Variants in HTR2A observed in about 807,000 individuals in gnomAD.
HTR2A encodes 5-HT2 receptor.
A neutral mutation model predicts 31.0 loss-of-function variants in HTR2A; 14 were observed. The observed-to-expected ratio is 0.45, with a 90% CI of 0.30 to 0.71. The LOEUF is 0.71. HTR2A is among the 30% of genes least tolerant of loss of function. The probability of loss-of-function intolerance (pLI) is 0.09; values close to 1 mark genes in which losing one functional copy is unlikely to be tolerated. For missense variants in HTR2A, 442 were observed against 573.3 expected (o/e 0.77, Z 2.34); for synonymous variants, 209 against 225.2 (o/e 0.93, Z 0.64).
chr13:46,854,841 G>C (rs1419920142), intron 3 of HTR2A, among the ~76,000 whole-genome samples: 1 of 152,212 alleles, frequency 6.6e-6, no homozygotes. Context: ...ATGATCCCCA[G>C]TAGCTGTGAA....
intron 3 of HTR2A, among the ~76,000 whole-genome samples, chr13:46,886,663 C>T (rs1342180025): frequency 2.0e-5 from 3 of 152,068 alleles, no homozygotes; most frequent in South Asian, 2.1e-4. Flanking sequence ...AGAGAAAAAG[C>T]AATTGGTGAG....
chr13:46,888,332 T>TA lies in HTR2A; in HGVS notation c.613+4057dup, dbSNP rs1951025996. On this transcript the variant is annotated intron_variant, in intron 3 of 3. Coordinates refer to ENST00000542664, the MANE Select transcript of HTR2A (RefSeq NM_000621.5). The stretch of plus-strand genomic sequence containing the variant: ...GTACATCATGATAAAGTTGCTAAAA[T>TA]AGAGACAAAACATTCTGAAGCAGCA... Among the ~76,000 whole-genome samples, 6 of 152,188 alleles carry TA rather than the reference T, an allele frequency of 3.9e-5. No homozygotes were observed. In the South Asian group the frequency reaches 1.0e-3, roughly 26 times the overall value.
intron 3 of HTR2A, among the ~76,000 whole-genome samples, chr13:46,845,967 C>T (rs1220144932): frequency 6.6e-6 from 1 of 152,188 alleles, no homozygotes; most frequent in African/African-American, 2.4e-5. Flanking sequence ...AAATACACAA[C>T]TACCATTGTT....
chr13:46,894,722 A>G (rs1187248908), intron 2 of HTR2A, among the ~76,000 whole-genome samples: 1 of 152,230 alleles, frequency 6.6e-6, no homozygotes, highest in East Asian at 1.9e-4. Context: ...TAATTTGGAA[A>G]GAATATCACA....
At chr13:46,865,458 G>T (rs1278254396) in intron 3 of HTR2A, among the ~76,000 whole-genome samples, 1 of 152,032 alleles carries the variant, frequency 6.6e-6, no homozygotes, top group Non-Finnish European at 1.5e-5. Context: ...AGAGATTTCA[G>T]CCTTCAGTCC....
Position 46,834,969 on chromosome 13 carries a change from T to C in HTR2A, c.1284A>G (p.Gln428=). 6.2e-7 allele frequency: 1 copy of C among 1,614,170 alleles called. No homozygotes were observed. Among genetic ancestry groups the C allele is most frequent in the Non-Finnish European group, 8.5e-7 (1 of 1,179,990 alleles). ...TGGCATCTTGCTTTGAATTCTTTTTTTGTCCCATTTGAAGTTGGCTAGACT... is the reference window on the plus strand; with the variant it reads ...TGGCATCTTGCTTTGAATTCTTTTTCTGTCCCATTTGAAGTTGGCTAGACT... The part of the protein sequence containing the change: ...AYKSSQLQMG[Q]KKNSKQDAKT... Residue 428 remains glutamine, a synonymous_variant, in exon 4 of 4, where the codon CAA becomes CAG. Transcript: ENST00000542664.
chr13:46,855,921 C>G (rs904498441), intron 3 of HTR2A, among the ~76,000 whole-genome samples: 3 of 152,152 alleles, frequency 2.0e-5, no homozygotes, highest in Non-Finnish European at 4.4e-5. Flanking sequence ...AGCAAATGGT[C>G]TTTCTCCTCT....
intron 3 of HTR2A, among the ~76,000 whole-genome samples, chr13:46,851,700 C>T (rs1419587067): frequency 6.6e-6 from 1 of 152,132 alleles, no homozygotes; most frequent in Non-Finnish European, 1.5e-5. Context: ...GCAAACTTCC[C>T]GATGATATAT....
intron 3 of HTR2A, among the ~76,000 whole-genome samples, chr13:46,845,016 T>A (rs964765602): frequency 6.6e-6 from 1 of 152,190 alleles, no homozygotes; most frequent in Non-Finnish European, 1.5e-5. Flanking sequence ...AAGATCTTTT[T>A]TTTTTAAGCT....
intron 3 of HTR2A, among the ~76,000 whole-genome samples, chr13:46,864,437 T>A (rs757671835): frequency 9.9e-5 from 15 of 152,164 alleles, no homozygotes; most frequent in Non-Finnish European, 1.8e-4. Flanking sequence ...AAATTCTTTC[T>A]TTGGCTCTTT....
chr13:46,857,941 C>A (rs1027846751), intron 3 of HTR2A, among the ~76,000 whole-genome samples: 5 of 152,174 alleles, frequency 3.3e-5, no homozygotes, highest in African/African-American at 1.2e-4. Context: ...GACAGCCTGG[C>A]TGTTTGGTGG....
At chr13:46,848,694 T>C (rs1363990693) in intron 3 of HTR2A, among the ~76,000 whole-genome samples, 1 of 152,254 alleles carries the variant, frequency 6.6e-6, no homozygotes, top group Non-Finnish European at 1.5e-5. Flanking sequence ...AATCTACATC[T>C]GATTTGTTTT....
In HTR2A at chr13:46,896,787, A is replaced by G; in HGVS notation, c.-442T>C. ...CTCTTCTTGATCTTCCACCAGCATA[A>G]TATGATAGTAATTTGGTTTCTGTTT... On this transcript the variant is annotated 5_prime_UTR_variant, in exon 1 of 4. Transcript: ENST00000542664. The G allele has an allele frequency of 2.6e-6, 4 of 1,536,788 alleles. No individual in the cohort carries two copies. Among genetic ancestry groups the G allele is most frequent in the Non-Finnish European group, 3.5e-6 (4 of 1,146,566 alleles).
At chr13:46,853,368 C>T (rs770912261) in intron 3 of HTR2A, among the ~76,000 whole-genome samples, 3 of 152,140 alleles carry the variant, frequency 2.0e-5, no homozygotes, top group Non-Finnish European at 4.4e-5. Context: ...AATCCCCTAA[C>T]CCTTGGGCTG....
upstream of HTR2A, among the ~76,000 whole-genome samples, chr13:46,898,047 C>T (rs1373096925): frequency 1.3e-5 from 2 of 152,170 alleles, no homozygotes; most frequent in East Asian, 1.9e-4. Flanking sequence ...ACTTCGTCTC[C>T]GGTGCTACCT....
intron 3 of HTR2A, among the ~76,000 whole-genome samples, chr13:46,891,518 C>T (rs761392495): frequency 1.3e-5 from 2 of 152,220 alleles, no homozygotes; most frequent in Non-Finnish European, 2.9e-5. Flanking sequence ...TATTCCAATG[C>T]TGTGGATAAG....
intron 2 of HTR2A, 118 bp from the exon 3 acceptor site, chr13:46,892,708 C>A: frequency 1.3e-6 from 1 of 753,280 alleles, no homozygotes; most frequent in South Asian, 1.7e-5. Flanking sequence ...AAGGGCAACA[C>A]AATATATTTT....
Position 46,835,416 on chromosome 13 carries a change from A to T in HTR2A, c.837T>A (p.Ala279=), listed in dbSNP as rs1445762396. The part of the protein sequence containing the change: ...VSDLGTRAKL[A]SFSFLPQSSL... The stretch of plus-strand genomic sequence containing the variant: ...AACTCTGAGGGAGGAAGCTGAAAGA[A>T]GCTAATTTGGCCCGTGTGCCAAGAT... Residue 279 remains alanine (A), a synonymous_variant, in exon 4 of 4, where the codon GCT becomes GCA. Transcript: ENST00000542664. The T allele has an allele frequency of 1.9e-6, 3 of 1,614,002 alleles. No individual in the cohort carries two copies. The highest frequency in any genetic ancestry group is 2.5e-6 in the Non-Finnish European group (3 of 1,180,020).
At chr13:46,871,619 CAA>C (rs1300062682) in intron 3 of HTR2A, among the ~76,000 whole-genome samples, 1 of 152,160 alleles carries the variant, frequency 6.6e-6, no homozygotes, top group Non-Finnish European at 1.5e-5. Flanking sequence ...CAAATAATTA[CAA>C]AGTGTTAGTA....
Sources: gnomAD v4.1 joint callset for allele counts (sites outside exome capture counted in the v4.1 genomes callset) on GRCh38, gnomAD v4.1.1 for gene constraint, MANE v1.5 for transcripts, NCBI Gene and HGNC (gene_info 2026-07-23, HGNC 2026-07-21) for gene names.